UCK2: variants seen among roughly 807,000 people sequenced by gnomAD.
UCK2 encodes uridine-cytidine kinase 2.
A neutral mutation model predicts 30.8 loss-of-function variants in UCK2; 6 were observed. The ratio of observed to expected loss-of-function variants is 0.19; its 90% CI spans 0.11 to 0.38. The LOEUF is 0.38. UCK2 is among the 10% of genes least tolerant of loss of function. UCK2 has a pLI of 1.00. For missense variants in UCK2, 210 were observed against 339.8 expected (o/e 0.62, Z 3.00); for synonymous variants, 125 against 133.6 (o/e 0.94, Z 0.45).
At chr1:165,828,599 C>T (rs1368118970) in intron 1 of UCK2, among the ~76,000 whole-genome samples, 1 of 152,160 alleles carries the variant, frequency 6.6e-6, no homozygotes, top group Admixed American at 6.5e-5. Context: ...GAAACGTGGT[C>T]GGCTTCAATG....
chr1:165,841,743 G>T (rs1393796180), intron 1 of UCK2, among the ~76,000 whole-genome samples: 1 of 152,122 alleles, frequency 6.6e-6, no homozygotes, highest in African/African-American at 2.4e-5. Context: ...GTCATGGTTG[G>T]TGTTTTTAAG....
intron 1 of UCK2, among the ~76,000 whole-genome samples, chr1:165,851,841 C>T (rs1191260773): frequency 6.6e-6 from 1 of 152,134 alleles, no homozygotes; most frequent in African/African-American, 2.4e-5. Flanking sequence ...GAATATGAGG[C>T]ATTTGGTTTT....
At chr1:165,895,426 A>G in intron 3 of UCK2, 1 of 970,986 alleles carries the variant, frequency 1.0e-6, no homozygotes, top group South Asian at 4.8e-5. Context: ...TCCAAAAACA[A>G]GAAAAAGAAA....
At chr1:165,903,718 C>T (rs560410981) in intron 5 of UCK2, among the ~76,000 whole-genome samples, 18 of 152,338 alleles carry the variant, frequency 1.2e-4, no homozygotes, top group African/African-American at 4.3e-4. Flanking sequence ...CTGCCATCAC[C>T]ACTGAGCCCT....
At chr1:165,842,820 A>G (rs895522921) in intron 1 of UCK2, among the ~76,000 whole-genome samples, 6 of 152,160 alleles carry the variant, frequency 3.9e-5, no homozygotes, top group Non-Finnish European at 7.4e-5. Context: ...GCTAAGCCAC[A>G]GGAGGCTTAG....
intron 4 of UCK2, 78 bp downstream of exon 4, chr1:165,896,410 C>T (rs1404836526): frequency 6.4e-7 from 1 of 1,552,972 alleles, no homozygotes; most frequent in Non-Finnish European, 8.8e-7. Context: ...TGACAGGACC[C>T]CACCCGCCTG....
chr1:165,849,607 C>T (rs1654540999), intron 1 of UCK2, among the ~76,000 whole-genome samples: 1 of 152,224 alleles, frequency 6.6e-6, no homozygotes, highest in Non-Finnish European at 1.5e-5. Flanking sequence ...TACACAATGC[C>T]AGCTTCCAGC....
At chr1:165,838,182 G>T (rs1327602879) in intron 1 of UCK2, among the ~76,000 whole-genome samples, 2 of 152,272 alleles carry the variant, frequency 1.3e-5, no homozygotes, top group East Asian at 3.9e-4. Flanking sequence ...TCATCTGTCA[G>T]TTGCATCATT....
intron 1 of UCK2, among the ~76,000 whole-genome samples, chr1:165,841,308 C>G (rs1034369065): frequency 5.9e-5 from 9 of 151,724 alleles, no homozygotes; most frequent in Non-Finnish European, 1.2e-4. Flanking sequence ...CTAAGCCTCC[C>G]GAGTAGCTGG....
At chr1:165,852,170 C>T (rs1366469134) in intron 1 of UCK2, among the ~76,000 whole-genome samples, 1 of 152,110 alleles carries the variant, frequency 6.6e-6, no homozygotes. Context: ...CTGTCTTCCA[C>T]AATGGTTGAA....
chr1:165,858,453 G>T (rs144629313), intron 1 of UCK2, among the ~76,000 whole-genome samples: 9 of 152,150 alleles, frequency 5.9e-5, no homozygotes, highest in African/African-American at 2.2e-4. Flanking sequence ...ACATTAGCTC[G>T]ATTTGCTGAC....
chr1:165,876,554 A>G (rs1655341726), intron 1 of UCK2, among the ~76,000 whole-genome samples: 1 of 152,250 alleles, frequency 6.6e-6, no homozygotes, highest in African/African-American at 2.4e-5. Flanking sequence ...AAAACAATGT[A>G]TGTACAGGAG....
intron 1 of UCK2, among the ~76,000 whole-genome samples, chr1:165,840,645 C>G (rs550087952): frequency 1.8e-4 from 28 of 152,302 alleles, no homozygotes; most frequent in African/African-American, 6.0e-4. Context: ...TACTTCTTTG[C>G]TGATAAGACC....
chr1:165,869,038 AGGGAG>A (rs1199438247), intron 1 of UCK2, among the ~76,000 whole-genome samples: 1 of 152,186 alleles, frequency 6.6e-6, no homozygotes, highest in Non-Finnish European at 1.5e-5. Context: ...AGGAAATCAT[AGGGAG>A]GCCCAAGAAG....
chr1:165,838,214 TC>T (rs908747440), intron 1 of UCK2, among the ~76,000 whole-genome samples: 1 of 152,212 alleles, frequency 6.6e-6, no homozygotes, highest in African/African-American at 2.4e-5. Context: ...CTGACCCATC[TC>T]CCTCTTCTTT....
intron 1 of UCK2, among the ~76,000 whole-genome samples, chr1:165,843,949 C>A (rs543817999): frequency 1.3e-5 from 2 of 152,196 alleles, no homozygotes; most frequent in African/African-American, 4.8e-5. Flanking sequence ...CAATGTATTT[C>A]TTTTGGTAAT....
chr1:165,871,247 C>CTCTTAA (rs1163768723), intron 1 of UCK2, among the ~76,000 whole-genome samples: 3 of 152,120 alleles, frequency 2.0e-5, no homozygotes, highest in African/African-American at 4.8e-5. Context: ...TAACAGGATA[C>CTCTTAA]CCTGCACAAG....
chr1:165,844,725 A>G (rs2101854292), intron 1 of UCK2, among the ~76,000 whole-genome samples: 1 of 152,312 alleles, frequency 6.6e-6, no homozygotes, highest in East Asian at 1.9e-4. Flanking sequence ...TAATGACAGC[A>G]TTGTGATCAA....
intron 1 of UCK2, among the ~76,000 whole-genome samples, chr1:165,873,845 A>G (rs1054473109): frequency 1.3e-5 from 2 of 152,036 alleles, no homozygotes; most frequent in Non-Finnish European, 2.9e-5. Flanking sequence ...CCTCCTGCCT[A>G]AAACACCAGC....
Sources: allele counts gnomAD v4.1 joint callset (sites outside exome capture counted in the v4.1 genomes callset), GRCh38; gene constraint gnomAD v4.1.1; transcripts MANE v1.5; gene names NCBI Gene and HGNC (gene_info 2026-07-23, HGNC 2026-07-21).